The following LRRTM4 variants were observed in gnomAD, a reference collection of about 807,000 sequenced individuals.
The protein encoded by LRRTM4 is leucine-rich repeat transmembrane neuronal protein 4.
A neutral mutation model predicts 47.6 loss-of-function variants in LRRTM4; 25 were observed. That is an observed-to-expected ratio of 0.53 (90% confidence interval 0.38 to 0.73). The LOEUF (loss-of-function observed/expected upper bound fraction) is 0.73. Among genes scored for constraint, LRRTM4 ranks in the 30% least tolerant of loss-of-function variants. The probability of loss-of-function intolerance (pLI) is 0.00; values close to 1 mark genes in which losing one functional copy is unlikely to be tolerated. For synonymous variants in LRRTM4, 311 were observed against 269.5 expected, an observed-to-expected ratio of 1.15 and a Z score of -1.51; for missense variants, 638 against 713.4, an observed-to-expected ratio of 0.89 and a Z score of 1.20.
intron 3 of LRRTM4, among the ~76,000 whole-genome samples, chr2:77,077,803 A>T (rs1293683687): frequency 1.3e-5 from 2 of 152,150 alleles, no homozygotes; most frequent in African/African-American, 4.8e-5. Flanking sequence ...AACTTCTAAA[A>T]ACAATAAGTT....
At chr2:77,006,817 G>A (rs1677669318) in intron 3 of LRRTM4, among the ~76,000 whole-genome samples, 1 of 152,144 alleles carries the variant, frequency 6.6e-6, no homozygotes, top group Admixed American at 6.6e-5. Flanking sequence ...AAGCTTCAGT[G>A]GAAATCAAAG....
chr2:77,191,939 G>T (rs1036518747), intron 3 of LRRTM4, among the ~76,000 whole-genome samples: 43 of 151,968 alleles, frequency 2.8e-4, no homozygotes, highest in African/African-American at 9.4e-4. Context: ...ACAAATAAAG[G>T]TCTGCATACG....
At chr2:76,850,600 T>C (rs527395008) in intron 3 of LRRTM4, among the ~76,000 whole-genome samples, 3 of 152,178 alleles carry the variant, frequency 2.0e-5, no homozygotes, top group Non-Finnish European at 4.4e-5. Context: ...ATTATGCATA[T>C]GTCCCACAAT....
chr2:76,844,292 G>A (rs1163690969), intron 3 of LRRTM4, among the ~76,000 whole-genome samples: 3 of 151,644 alleles, frequency 2.0e-5, no homozygotes, highest in South Asian at 2.1e-4. Flanking sequence ...ATGCCACCAC[G>A]CCCGGCTAAT....
chr2:76,873,482 ATG>A (rs563234887), intron 3 of LRRTM4, among the ~76,000 whole-genome samples: 1,542 of 130,210 alleles, frequency 0.012, 33 homozygotes, highest in African/African-American at 0.04. Flanking sequence ...GTATATATAT[ATG>A]TGTGTGTGTA....
intron 3 of LRRTM4, among the ~76,000 whole-genome samples, chr2:76,802,011 C>T (rs991879769): frequency 6.6e-6 from 1 of 152,118 alleles, no homozygotes; most frequent in Non-Finnish European, 1.5e-5. Flanking sequence ...CCATTGCTAA[C>T]ATCATATTCA....
intron 3 of LRRTM4, among the ~76,000 whole-genome samples, chr2:76,812,695 C>CT (rs374968049): frequency 1.0e-5 from 1 of 97,218 alleles, no homozygotes; most frequent in Non-Finnish European, 2.0e-5. Flanking sequence ...TTCTTTCTTT[C>CT]TTTTCTTTCT....
At chr2:77,058,137 C>A (rs1679668127) in intron 3 of LRRTM4, among the ~76,000 whole-genome samples, 1 of 152,110 alleles carries the variant, frequency 6.6e-6, no homozygotes, top group African/African-American at 2.4e-5. Flanking sequence ...TTTTCTAATT[C>A]AAACAACCAA....
intron 3 of LRRTM4, among the ~76,000 whole-genome samples, chr2:77,295,807 C>A (rs1327117303): frequency 7.0e-6 from 1 of 143,728 alleles, no homozygotes; most frequent in South Asian, 2.1e-4. Flanking sequence ...TAGATGAGGG[C>A]CCACTCTAAT....
At chr2:76,775,566 A>G (rs1023032526) in intron 3 of LRRTM4, among the ~76,000 whole-genome samples, 4 of 152,138 alleles carry the variant, frequency 2.6e-5, no homozygotes, top group African/African-American at 9.7e-5. Flanking sequence ...GTTGTAAAAC[A>G]GACCTTCCTG....
At chr2:77,173,765 C>T (rs537099475) in intron 3 of LRRTM4, among the ~76,000 whole-genome samples, 165 of 152,224 alleles carry the variant, frequency 1.1e-3, no homozygotes, top group African/African-American at 3.7e-3. Context: ...ACAGCCTCCA[C>T]GCCCCCACAC....
At chr2:77,336,082 A>G (rs1188007792) in intron 3 of LRRTM4, among the ~76,000 whole-genome samples, 7 of 150,448 alleles carry the variant, frequency 4.7e-5, no homozygotes, top group Non-Finnish European at 4.4e-5. Context: ...GCATGAAATT[A>G]TTTTGGAAGG....
chr2:77,251,683 A>G (rs1675621346), intron 3 of LRRTM4, among the ~76,000 whole-genome samples: 1 of 152,228 alleles, frequency 6.6e-6, no homozygotes, highest in African/African-American at 2.4e-5. Context: ...AGCCAAGGCC[A>G]TGGAACTAAC....
intron 3 of LRRTM4, among the ~76,000 whole-genome samples, chr2:77,040,064 G>A (rs987439632): frequency 1.3e-5 from 2 of 151,132 alleles, no homozygotes; most frequent in East Asian, 3.9e-4. Context: ...TTATAAGACA[G>A]GTGGGTAGGC....
In LRRTM4 at chr2:77,101,057, G is replaced by C. The variant is rs187908872; in HGVS notation, c.1552-352141C>G. Among the ~76,000 whole-genome samples the C allele has an allele frequency of 1.0e-2, 1,515 of 151,928 alleles. 28 individuals are homozygous for C. Among genetic ancestry groups the C allele is most frequent in the African/African-American group, 0.034 (1,413 of 41,422 alleles). On this transcript the variant is annotated intron_variant, in intron 3 of 3. Transcript: ENST00000409884. ...TCACCACATTGGCCAGGATGGTCTT[G>C]ATCTCCTGACCTCGTGATCCACCCG...
At chr2:76,783,062 T>G (rs1674486544) in intron 3 of LRRTM4, among the ~76,000 whole-genome samples, 1 of 152,116 alleles carries the variant, frequency 6.6e-6, no homozygotes, top group Non-Finnish European at 1.5e-5. Flanking sequence ...CATGCTTAGG[T>G]GCAGGAAGTT....
intron 3 of LRRTM4, among the ~76,000 whole-genome samples, chr2:76,871,057 T>C (rs1405070973): frequency 6.6e-6 from 1 of 152,186 alleles, no homozygotes; most frequent in Non-Finnish European, 1.5e-5. Flanking sequence ...TGATGTCTAT[T>C]ATAAAATCTT....
intron 3 of LRRTM4, among the ~76,000 whole-genome samples, chr2:76,920,804 T>C (rs958319928): frequency 2.6e-5 from 4 of 152,232 alleles, no homozygotes; most frequent in African/African-American, 9.6e-5. Flanking sequence ...GCCCCATTAT[T>C]ATAGGTCCTA....
At chr2:77,053,149 G>C (rs867698190) in intron 3 of LRRTM4, among the ~76,000 whole-genome samples, 1 of 152,116 alleles carries the variant, frequency 6.6e-6, no homozygotes, top group South Asian at 2.1e-4. Flanking sequence ...AAATGCAAAT[G>C]TATCAGTAAG....
Sources: allele counts gnomAD v4.1 joint callset (sites outside exome capture counted in the v4.1 genomes callset), GRCh38; gene constraint gnomAD v4.1.1; transcripts MANE v1.5; gene names NCBI Gene and HGNC (gene_info 2026-07-23, HGNC 2026-07-21).